Variants in ATP8A1 observed in about 807,000 individuals in gnomAD.
The protein encoded by ATP8A1 is phospholipid-transporting ATPase IA.
In ATP8A1, 90 loss-of-function variants were observed where a neutral mutation model predicts 177.7. That is an observed-to-expected ratio of 0.51 (90% CI 0.43 to 0.60). ATP8A1 has a LOEUF of 0.60. Among genes scored for constraint, ATP8A1 ranks in the 20% least tolerant of loss-of-function variants. The probability of loss-of-function intolerance (pLI) is 0.00; values close to 1 mark genes in which losing one functional copy is unlikely to be tolerated. For missense variants in ATP8A1, 1,072 were observed against 1,392.8 expected, an observed-to-expected ratio of 0.77 and a Z score of 3.67; for synonymous variants, 493 against 485.9, an observed-to-expected ratio of 1.01 and a Z score of -0.19.
In ATP8A1 at chr4:42,581,715, G is replaced by A; in HGVS notation, c.740C>T (p.Ala247Val). ...AGCTCCTCGAAGAAGAATCTGATCT[G>A]CTCCCAGTGGAACGGTGCTAGGACA... ...LDGHGTVPLG[A>V]DQILLRGAQL... is the part of the protein sequence containing the mutation. The change falls in exon 10 of 37, where the codon GCA (alanine) becomes GTA (valine). Residue 247 changes from alanine (A) to valine (V), a missense_variant. Around this residue, in one of 5 missense-constraint regions of ATP8A1, gnomAD observed 344 missense variants for 393.5 expected, o/e 0.87. Transcript: ENST00000381668. 1 of 1,613,730 alleles carries A rather than the reference G, an allele frequency of 6.2e-7. No individual in the cohort carries two copies.
At chr4:42,455,247 A>G (rs1293583995) in intron 29 of ATP8A1, 50 bp downstream of exon 29, 1 of 1,605,150 alleles carries the variant, frequency 6.2e-7, no homozygotes, top group South Asian at 1.1e-5. Flanking sequence ...TAATGAGGGC[A>G]GTAAACACAG....
intron 25 of ATP8A1, among the ~76,000 whole-genome samples, chr4:42,477,492 CTT>C (rs1721196737): frequency 6.6e-6 from 1 of 152,170 alleles, no homozygotes; most frequent in Non-Finnish European, 1.5e-5. Flanking sequence ...ATCCCCCTCT[CTT>C]TCTCTCTCTC....
At chr4:42,622,216 GAA>G (rs3046095) in intron 4 of ATP8A1, among the ~76,000 whole-genome samples, 4 of 137,712 alleles carry the variant, frequency 2.9e-5, no homozygotes, top group African/African-American at 2.7e-5. Context: ...TCTCTACTAG[GAA>G]AAAAAAAAAA....
At chr4:42,605,252 A>G (rs1245970452) in intron 5 of ATP8A1, among the ~76,000 whole-genome samples, 1 of 152,220 alleles carries the variant, frequency 6.6e-6, no homozygotes, top group African/African-American at 2.4e-5. Context: ...TAGACATCTC[A>G]GTTTTATAAG....
intron 17 of ATP8A1, 58 bp downstream of exon 17, chr4:42,552,444 TGAC>T (rs1006601805): frequency 7.4e-7 from 1 of 1,350,656 alleles, no homozygotes; most frequent in African/African-American, 1.5e-5. Flanking sequence ...AAAATTAAAT[TGAC>T]TTTTACATTC....
chr4:42,584,381 T>C (rs866412350), intron 9 of ATP8A1, among the ~76,000 whole-genome samples: 4 of 152,364 alleles, frequency 2.6e-5, no homozygotes, highest in Middle Eastern at 3.4e-3. Flanking sequence ...AAGAAGTCTA[T>C]ACTTGCTATT....
chr4:42,434,178 T>G (rs1715641220), intron 33 of ATP8A1, among the ~76,000 whole-genome samples: 1 of 152,054 alleles, frequency 6.6e-6, no homozygotes, highest in Admixed American at 6.5e-5. Context: ...ACAGTATTAG[T>G]AAAAAAAATT....
intron 22 of ATP8A1, among the ~76,000 whole-genome samples, chr4:42,507,952 GAAAAGA>G (rs1235063062): frequency 6.6e-6 from 1 of 151,990 alleles, no homozygotes; most frequent in Non-Finnish European, 1.5e-5. Flanking sequence ...AAACCAAGAG[GAAAAGA>G]ACAACAAAGT....
chr4:42,555,128 TCTATCTATCTA>T lies in ATP8A1; in HGVS notation c.1413+829_1413+839del, dbSNP rs1560454402. ...ATCTATCTATCTATCTATCTATCTATCTATCTATCTAATCTATCTATCTATCTATCTATCTA... is the reference window on the plus strand; with the variant it reads ...ATCTATCTATCTATCTATCTATCTATATCTATCTATCTATCTATCTATCTA... On this transcript the variant is annotated intron_variant, in intron 16 of 36. Coordinates refer to ENST00000381668, the MANE Select transcript of ATP8A1 (RefSeq NM_006095.2). 9.9e-4 allele frequency among the ~76,000 whole-genome samples: 88 copies of T among 89,136 alleles called. 1 individual carries two copies. Among genetic ancestry groups the T allele is most frequent in the Middle Eastern group, 5.4e-3 (1 of 186 alleles). 58.5% of individuals were successfully genotyped at this position (89,136 alleles called of 152,430 possible).
intron 18 of ATP8A1, among the ~76,000 whole-genome samples, chr4:42,549,956 T>A (rs978266757): frequency 1.3e-5 from 2 of 152,196 alleles, no homozygotes; most frequent in African/African-American, 4.8e-5. Context: ...AATTTATATA[T>A]AATAAAATGC....
intron 1 of ATP8A1, among the ~76,000 whole-genome samples, chr4:42,642,653 G>A (rs532998317): frequency 6.6e-6 from 1 of 152,262 alleles, no homozygotes; most frequent in Admixed American, 6.5e-5. Flanking sequence ...GAACAAAAAC[G>A]ATGCGAGGGT....
At chr4:42,486,582 T>C (rs1722224198) in intron 24 of ATP8A1, among the ~76,000 whole-genome samples, 1 of 152,200 alleles carries the variant, frequency 6.6e-6, no homozygotes, top group Non-Finnish European at 1.5e-5. Flanking sequence ...TTTCAGTAAA[T>C]TCTTTTGTTA....
At chr4:42,414,939 T>A (rs936146872) in intron 35 of ATP8A1, 10 of 512,822 alleles carry the variant, frequency 1.9e-5, no homozygotes, top group African/African-American at 5.8e-5. Context: ...TGGTCCCCAA[T>A]AATCCTTCTC....
intron 33 of ATP8A1, among the ~76,000 whole-genome samples, chr4:42,432,857 CTT>C (rs1460639539): frequency 2.6e-5 from 4 of 152,152 alleles, no homozygotes; most frequent in African/African-American, 9.7e-5. Flanking sequence ...ACTTTACTGT[CTT>C]TCATTTTAGC....
chr4:42,580,250 T>C (rs898315867), intron 10 of ATP8A1, among the ~76,000 whole-genome samples: 1 of 152,216 alleles, frequency 6.6e-6, no homozygotes, highest in African/African-American at 2.4e-5. Context: ...AAAATAGCTT[T>C]TGCATTGTGG....
chr4:42,457,946 T>G (rs190555714), intron 27 of ATP8A1, among the ~76,000 whole-genome samples: 4 of 152,336 alleles, frequency 2.6e-5, no homozygotes, highest in African/African-American at 7.2e-5. Context: ...GAACATGTTT[T>G]TAGAAAATGT....
chr4:42,432,537 G>A (rs1715426175), intron 33 of ATP8A1, among the ~76,000 whole-genome samples: 1 of 152,184 alleles, frequency 6.6e-6, no homozygotes. Context: ...AGGTCATAAA[G>A]TTGTTGGACT....
At chr4:42,654,491 G>A (rs1357945081) in intron 1 of ATP8A1, among the ~76,000 whole-genome samples, 5 of 152,196 alleles carry the variant, frequency 3.3e-5, no homozygotes, top group South Asian at 4.1e-4. Flanking sequence ...CCAAGGTCTC[G>A]CCACCCTCTC....
chr4:42,532,118 A>G (rs927638946), intron 20 of ATP8A1, among the ~76,000 whole-genome samples: 1 of 152,036 alleles, frequency 6.6e-6, no homozygotes, highest in African/African-American at 2.4e-5. Flanking sequence ...ATACACACAC[A>G]CACAGACACA....
Sources: allele counts gnomAD v4.1 joint callset (sites outside exome capture counted in the v4.1 genomes callset), GRCh38; gene constraint gnomAD v4.1.1; regional missense constraint gnomAD v4.1.1; transcripts MANE v1.5; gene names NCBI Gene and HGNC (gene_info 2026-07-23, HGNC 2026-07-21).